ADAM10: variants seen among roughly 807,000 people sequenced by gnomAD.
ADAM10 encodes disintegrin and metalloproteinase domain-containing protein 10.
In ADAM10, 17 loss-of-function variants were observed where a neutral mutation model predicts 90.1. The ratio of observed to expected loss-of-function variants is 0.19; its 90% CI spans 0.13 to 0.28. The LOEUF is 0.28. ADAM10 is among the 10% of genes least tolerant of loss of function. The pLI, the probability that ADAM10 is intolerant of heterozygous loss-of-function variation, is 1.00. For synonymous variants in ADAM10, 310 were observed against 298.6 expected, an observed-to-expected ratio of 1.04 and a Z score of -0.40; for missense variants, 610 against 914.3, an observed-to-expected ratio of 0.67 and a Z score of 4.29.
intron 2 of ADAM10, among the ~76,000 whole-genome samples, chr15:58,683,557 G>A (rs1253417346): frequency 2.6e-5 from 4 of 151,996 alleles, no homozygotes; most frequent in Non-Finnish European, 5.9e-5. Context: ...AAAGAATGTG[G>A]CATAATAAGA....
intron 13 of ADAM10, 168 bp from the exon 14 acceptor site, chr15:58,610,685 A>G: frequency 1.4e-6 from 1 of 719,664 alleles, no homozygotes; most frequent in Non-Finnish European, 2.4e-6. Context: ...AGTAATTCAT[A>G]TTAAATGTTA....
intron 2 of ADAM10, among the ~76,000 whole-genome samples, chr15:58,708,310 T>C (rs1234619950): frequency 1.3e-5 from 2 of 151,864 alleles, no homozygotes; most frequent in African/African-American, 4.8e-5. Context: ...GCTTAGGATA[T>C]ATAAGGGAGC....
At chr15:58,704,337 T>C (rs1898219941) in intron 2 of ADAM10, among the ~76,000 whole-genome samples, 1 of 152,160 alleles carries the variant, frequency 6.6e-6, no homozygotes, top group Non-Finnish European at 1.5e-5. Flanking sequence ...CACTGTTTAA[T>C]GAGTACATAC....
At chr15:58,726,363 G>A (rs936874790) in intron 1 of ADAM10, among the ~76,000 whole-genome samples, 10 of 151,746 alleles carry the variant, frequency 6.6e-5, no homozygotes, top group African/African-American at 1.7e-4. Flanking sequence ...CGAGGAGTTC[G>A]AGACCAGCCT....
intron 1 of ADAM10, among the ~76,000 whole-genome samples, chr15:58,723,460 A>G (rs1291900278): frequency 5.3e-5 from 8 of 152,060 alleles, no homozygotes; most frequent in African/African-American, 1.7e-4. Flanking sequence ...TGAGGTGGGT[A>G]GATCACCTGA....
At chr15:58,713,859 C>T (rs1449816640) in intron 2 of ADAM10, among the ~76,000 whole-genome samples, 2 of 151,114 alleles carry the variant, frequency 1.3e-5, no homozygotes, top group Non-Finnish European at 2.9e-5. Context: ...TGTCGCCAGG[C>T]TGGACTGCAG....
At chr15:58,651,249 C>G (rs1432825566) in intron 5 of ADAM10, among the ~76,000 whole-genome samples, 6 of 152,156 alleles carry the variant, frequency 3.9e-5, no homozygotes, top group African/African-American at 1.4e-4. Flanking sequence ...CTTTTTGTTA[C>G]AAAAAATACA....
intron 3 of ADAM10, among the ~76,000 whole-genome samples, chr15:58,681,575 C>T (rs1302257528): frequency 1.3e-5 from 2 of 152,134 alleles, no homozygotes; most frequent in East Asian, 1.9e-4. Context: ...CTCCAACACC[C>T]CCAGAAGATT....
At chr15:58,740,101 A>C (rs1183754296) in intron 1 of ADAM10, among the ~76,000 whole-genome samples, 1 of 152,066 alleles carries the variant, frequency 6.6e-6, no homozygotes, top group Non-Finnish European at 1.5e-5. Context: ...ACTTAACTAT[A>C]AAGCTTGAAA....
At chr15:58,609,042 G>A (rs1595987046) in intron 14 of ADAM10, 1 of 152,112 alleles carries the variant, frequency 6.6e-6, no homozygotes, top group Middle Eastern at 3.4e-3. Flanking sequence ...AAATAAAGAA[G>A]GGCCAAGAAA....
At chr15:58,662,027 A>T (rs1042426815) in intron 5 of ADAM10, among the ~76,000 whole-genome samples, 1 of 152,158 alleles carries the variant, frequency 6.6e-6, no homozygotes, top group Non-Finnish European at 1.5e-5. Context: ...TAACATCTGT[A>T]ATTAACAGAC....
chr15:58,689,342 C>T (rs1426787853), intron 2 of ADAM10, among the ~76,000 whole-genome samples: 1 of 151,948 alleles, frequency 6.6e-6, no homozygotes, highest in East Asian at 1.9e-4. Context: ...AAAAATTAGC[C>T]GGGCATGGTG....
chr15:58,627,272 G>A (rs1566972164), intron 10 of ADAM10, among the ~76,000 whole-genome samples: 1 of 152,158 alleles, frequency 6.6e-6, no homozygotes, highest in South Asian at 2.1e-4. Context: ...TGTTGGGACA[G>A]AGCCTGATTG....
chr15:58,694,745 TAAA>T (rs111891600), intron 2 of ADAM10, among the ~76,000 whole-genome samples: 19 of 139,290 alleles, frequency 1.4e-4, no homozygotes, highest in African/African-American at 3.0e-4. Flanking sequence ...ACTCAGAAAT[TAAA>T]AAAAAAAAAA....
At chr15:58,657,759 A>T (rs1488652593) in intron 5 of ADAM10, among the ~76,000 whole-genome samples, 2 of 152,050 alleles carry the variant, frequency 1.3e-5, no homozygotes, top group Admixed American at 6.5e-5. Context: ...ACGCTTGTGG[A>T]TGTTGGTTCA....
intron 2 of ADAM10, among the ~76,000 whole-genome samples, chr15:58,705,386 G>A (rs1898249176): frequency 6.6e-6 from 1 of 151,756 alleles, no homozygotes; most frequent in Non-Finnish European, 1.5e-5. Context: ...TTCTTTTTTT[G>A]GCATTGGCTA....
intron 6 of ADAM10, among the ~76,000 whole-genome samples, chr15:58,645,094 CA>C (rs2140693979): frequency 6.6e-6 from 1 of 152,248 alleles, no homozygotes; most frequent in East Asian, 1.9e-4. Flanking sequence ...AAGTTATTTT[CA>C]AAGAAATTGT....
chr15:58,729,637 T>C (rs1436322795), intron 1 of ADAM10, among the ~76,000 whole-genome samples: 1 of 152,042 alleles, frequency 6.6e-6, no homozygotes, highest in Non-Finnish European at 1.5e-5. Context: ...TGTTCCAAAA[T>C]CTAAAATTTT....
In ADAM10 at chr15:58,647,248, A is replaced by ATTTCTTTTTTTTTTTTTTTTTTT. The variant is rs1162350060; in HGVS notation, c.586-1045_586-1044insAAAAAAAAAAAAAAAAAAAGAAA. ...TGGCAGCAAAGAGTAGACACTAAGT[A>ATTTCTTTTTTTTTTTTTTTTTTT]TTTTTTTTTTTTTTTTTTTTTTTTT... On this transcript the variant is annotated intron_variant, in intron 5 of 15. Coordinates refer to ENST00000260408, the MANE Select transcript of ADAM10 (RefSeq NM_001110.4). Among the ~76,000 whole-genome samples the ATTTCTTTTTTTTTTTTTTTTTTT allele has an allele frequency of 2.3e-4, 14 of 59,602 alleles. 3 individuals are homozygous for ATTTCTTTTTTTTTTTTTTTTTTT. Among genetic ancestry groups the ATTTCTTTTTTTTTTTTTTTTTTT allele is most frequent in the African/African-American group, 7.0e-4 (13 of 18,646 alleles). The allele number at this position is 59,602 out of a possible 152,430, so 39.1% of individuals were successfully genotyped here.
Sources: allele counts gnomAD v4.1 joint callset (sites outside exome capture counted in the v4.1 genomes callset), GRCh38; gene constraint gnomAD v4.1.1; transcripts MANE v1.5; gene names NCBI Gene and HGNC (gene_info 2026-07-23, HGNC 2026-07-21).